PLSCR2: variants seen among roughly 807,000 people sequenced by gnomAD.
PLSCR2 encodes the protein phospholipid scramblase 2.
Under a neutral mutation model 25.3 loss-of-function variants are expected in PLSCR2, and 18 were observed. The ratio of observed to expected loss-of-function variants is 0.71; its 90% CI spans 0.49 to 1.06. The LOEUF (loss-of-function observed/expected upper bound fraction) is 1.06, where lower values mean the gene tolerates loss of function less well. Ranked by LOEUF, PLSCR2 falls within the 50% of genes least tolerant of loss-of-function variation. PLSCR2 has a pLI of 0.00. For synonymous variants in PLSCR2, 88 were observed against 87.3 expected (o/e 1.01, Z -0.04); for missense variants, 243 against 269.5 (o/e 0.90, Z 0.69).
At chr3:146,469,666 A>T (rs2042032198) in intron 1 of PLSCR2, 105 bp from the exon 1 acceptor site, 1 of 652,906 alleles carries the variant, frequency 1.5e-6, no homozygotes, top group African/African-American at 2.0e-5. Flanking sequence ...CCCCTAGTTT[A>T]GGTTTCTGGA....
chr3:146,427,473 C>A (rs1036886673), intron 2 of PLSCR2, among the ~76,000 whole-genome samples: 1 of 152,078 alleles, frequency 6.6e-6, no homozygotes, highest in South Asian at 2.1e-4. Context: ...AACTTCTTAA[C>A]ATGGCTAACA....
At chr3:146,480,361 G>C (rs1052075428) in intron 1 of PLSCR2, among the ~76,000 whole-genome samples, 14 of 152,080 alleles carry the variant, frequency 9.2e-5, no homozygotes, top group African/African-American at 3.1e-4. Context: ...AAGAAGAAAA[G>C]AGAGAAGAAT....
At chr3:146,477,778 C>CG (rs2042971033) in intron 1 of PLSCR2, among the ~76,000 whole-genome samples, 1 of 152,226 alleles carries the variant, frequency 6.6e-6, no homozygotes, top group African/African-American at 2.4e-5. Flanking sequence ...CAGACTGCCT[C>CG]TTCAAGTGAG....
intron 2 of PLSCR2, among the ~76,000 whole-genome samples, chr3:146,398,374 C>T (rs1330366165): frequency 6.6e-6 from 1 of 151,564 alleles, no homozygotes; most frequent in Admixed American, 6.6e-5. Flanking sequence ...AGGTCATTGT[C>T]CATTTAAATA....
intron 3 of PLSCR2, among the ~76,000 whole-genome samples, chr3:146,457,233 A>C (rs1237434022): frequency 6.6e-6 from 1 of 152,242 alleles, no homozygotes; most frequent in Non-Finnish European, 1.5e-5. Flanking sequence ...GTATGCAAAA[A>C]TGAATTTATT....
intron 1 of PLSCR2, among the ~76,000 whole-genome samples, chr3:146,469,871 G>C (rs2042048415): frequency 6.6e-6 from 1 of 151,158 alleles, no homozygotes; most frequent in African/African-American, 2.4e-5. Context: ...TCTTTGGAGA[G>C]ACTCCGGAAA....
intron 2 of PLSCR2, among the ~76,000 whole-genome samples, chr3:146,408,407 T>G (rs1424477142): frequency 6.6e-6 from 1 of 152,238 alleles, no homozygotes; most frequent in East Asian, 1.9e-4. Flanking sequence ...TCTGTCCAAA[T>G]TAACGGGCCA....
chr3:146,483,451 A>ATGTATATATATATATATATATACATG (rs1450219949), intron 1 of PLSCR2, among the ~76,000 whole-genome samples: 6 of 55,846 alleles, frequency 1.1e-4, no homozygotes, highest in East Asian at 5.1e-4. Context: ...ATACACATGT[A>ATGTATATATATATATATATATACATG]TGTATATATA....
chr3:146,392,705 T>G (rs1445585687), intron 3 of PLSCR2, among the ~76,000 whole-genome samples: 2 of 151,776 alleles, frequency 1.3e-5, no homozygotes, highest in Non-Finnish European at 2.9e-5. Flanking sequence ...ACATTTAAAC[T>G]ATTTAAATTT....
chr3:146,456,124 T>C (rs1049588730), intron 3 of PLSCR2, among the ~76,000 whole-genome samples: 3 of 152,188 alleles, frequency 2.0e-5, no homozygotes, highest in African/African-American at 7.2e-5. Context: ...TCAGAATATC[T>C]AGACCACGAG....
upstream of PLSCR2, chr3:146,462,061 A>G (rs2041610028): frequency 1.8e-6 from 1 of 560,144 alleles, no homozygotes; most frequent in Non-Finnish European, 3.1e-6. Flanking sequence ...ATGGATTGAA[A>G]TAGTTCTGAA....
chr3:146,436,056 C>A (rs76108363), intron 8 of PLSCR2, among the ~76,000 whole-genome samples: 39,149 of 152,046 alleles, frequency 0.26, 5,350 homozygotes, highest in South Asian at 0.44. Context: ...TTGTTTTTGT[C>A]AGGTTTGTCA....
intron 2 of PLSCR2, among the ~76,000 whole-genome samples, chr3:146,412,158 GT>G (rs1170620216): frequency 6.6e-6 from 1 of 152,162 alleles, no homozygotes; most frequent in Non-Finnish European, 1.5e-5. Flanking sequence ...GGGCATTACA[GT>G]TTTAGTCCAC....
chr3:146,465,065 C>G (rs1292263469), upstream of PLSCR2, among the ~76,000 whole-genome samples: 1 of 152,120 alleles, frequency 6.6e-6, no homozygotes, highest in Non-Finnish European at 1.5e-5. Context: ...GAAATGAAAG[C>G]CCAGACTCCA....
chr3:146,480,021 A>G (rs2043073835), intron 1 of PLSCR2, among the ~76,000 whole-genome samples: 1 of 152,166 alleles, frequency 6.6e-6, no homozygotes, highest in African/African-American at 2.4e-5. Flanking sequence ...AAAAATAAAG[A>G]TGTTCTTTGA....
intron 2 of PLSCR2, among the ~76,000 whole-genome samples, chr3:146,399,831 T>C (rs2038402871): frequency 6.6e-6 from 1 of 151,516 alleles, no homozygotes; most frequent in Non-Finnish European, 1.5e-5. Context: ...CTTCCTTTCT[T>C]CCTTCCCTTT....
chr3:146,440,795 A>G (rs960974322), downstream of PLSCR2, among the ~76,000 whole-genome samples: 3 of 152,226 alleles, frequency 2.0e-5, no homozygotes, highest in African/African-American at 7.2e-5. Flanking sequence ...AAAATAAAAT[A>G]TTCAAAAACT....
intron 3 of PLSCR2, 149 bp downstream of exon 3, chr3:146,458,262 A>G (rs901746710): frequency 1.6e-5 from 10 of 644,850 alleles, no homozygotes; most frequent in South Asian, 5.0e-5. Context: ...TAGACTACTG[A>G]TTTCATTATT....
chr3:146,453,304 A>G (rs1018512953), intron 5 of PLSCR2, among the ~76,000 whole-genome samples: 8 of 152,000 alleles, frequency 5.3e-5, no homozygotes, highest in Non-Finnish European at 8.8e-5. Context: ...AGTTTACTAA[A>G]TTTTCTGATT....
Sources: gnomAD v4.1 joint callset for allele counts (sites outside exome capture counted in the v4.1 genomes callset) on GRCh38, gnomAD v4.1.1 for gene constraint, MANE v1.5 for transcripts, NCBI Gene and HGNC (gene_info 2026-07-23, HGNC 2026-07-21) for gene names.